Variants in OGDH observed in about 807,000 individuals in gnomAD.
OGDH encodes the protein 2-oxoglutarate dehydrogenase complex component E1.
OGDH carries 38 observed loss-of-function variants against 116.6 expected under a neutral mutation model. The observed-to-expected ratio is 0.33, with a 90% CI of 0.25 to 0.43. OGDH has a LOEUF of 0.43. Among genes scored for constraint, OGDH ranks in the 20% least tolerant of loss-of-function variants. The pLI, the probability that OGDH is intolerant of heterozygous loss-of-function variation, is 1.00. For missense variants in OGDH, 825 were observed against 1,357.2 expected, an observed-to-expected ratio of 0.61 and a Z score of 6.16; for synonymous variants, 488 against 533.3, an observed-to-expected ratio of 0.92 and a Z score of 1.17.
At chr7:44,615,220 T>C (rs1784724457) in intron 1 of OGDH, among the ~76,000 whole-genome samples, 1 of 152,232 alleles carries the variant, frequency 6.6e-6, no homozygotes, top group African/African-American at 2.4e-5. Flanking sequence ...TGATCTTGTT[T>C]AAATCTCTAA....
At chr7:44,701,497 A>G (rs1788828987) in intron 19 of OGDH, 46 bp from the exon 20 acceptor site, 1 of 1,560,432 alleles carries the variant, frequency 6.4e-7, no homozygotes, top group African/African-American at 1.4e-5. Context: ...TCCTTCTGGA[A>G]TCTTCAGAAT....
intron 10 of OGDH, among the ~76,000 whole-genome samples, chr7:44,690,603 T>C (rs1788325296): frequency 1.3e-5 from 2 of 152,230 alleles, no homozygotes; most frequent in South Asian, 4.1e-4. Flanking sequence ...ACCCTGCCGG[T>C]AGAGTGCATC....
intron 20 of OGDH, 105 bp downstream of exon 20, chr7:44,701,720 G>A: frequency 4.3e-6 from 5 of 1,150,892 alleles, no homozygotes; most frequent in Non-Finnish European, 6.4e-6. Flanking sequence ...GATTCTCACT[G>A]GCTCTTGCCA....
In OGDH at chr7:44,641,122, C is replaced by T. The variant is rs373711765; in HGVS notation, c.223-4205C>T. Reference sequence around the variant, plus strand: ...TTCACCATGTTAGCCAGGATGGTCTCGATCTCCTAACCTCGTGATCCGCCC... The same window carrying T: ...TTCACCATGTTAGCCAGGATGGTCTTGATCTCCTAACCTCGTGATCCGCCC... On this transcript the variant is annotated intron_variant, in intron 2 of 22. Transcript: ENST00000222673. Among the ~76,000 whole-genome samples the T allele has an allele frequency of 6.1e-4, 91 of 149,084 alleles. No individual in the cohort carries two copies. In the East Asian group the frequency reaches 0.015, roughly 24 times the overall value.
intron 20 of OGDH, among the ~76,000 whole-genome samples, chr7:44,702,130 G>A (rs1788860439): frequency 6.6e-6 from 1 of 151,266 alleles, no homozygotes; most frequent in Non-Finnish European, 1.5e-5. Flanking sequence ...TTACATTCAC[G>A]TTGGTCAAAT....
At chr7:44,636,437 G>T (rs1785673383) in intron 2 of OGDH, among the ~76,000 whole-genome samples, 2 of 152,218 alleles carry the variant, frequency 1.3e-5, no homozygotes, top group South Asian at 4.1e-4. Flanking sequence ...GTGCTCCTTG[G>T]TTAGGAGTGG....
chr7:44,622,584 T>C (rs927883062), intron 1 of OGDH, among the ~76,000 whole-genome samples: 2 of 152,186 alleles, frequency 1.3e-5, no homozygotes, highest in African/African-American at 4.8e-5. Context: ...CTTAAGTGTA[T>C]TCTGAGCATA....
chr7:44,707,740 AG>A lies in OGDH; in HGVS notation c.2951+6del, dbSNP rs1233470166. ...TCAGCCGCGCCAAGCCCGTCTGGTAAGGCTTCAGTCCCTGCCAGGAAGGCTG... is the reference window on the plus strand; with the variant it reads ...TCAGCCGCGCCAAGCCCGTCTGGTAAGCTTCAGTCCCTGCCAGGAAGGCTG... On this transcript the variant is annotated splice_donor_5th_base_variant and intron_variant, in intron 22 of 22. Coordinates refer to ENST00000222673, the MANE Select transcript of OGDH (RefSeq NM_002541.4). This position sits in a 1 kb window ranked among gnomAD's most constrained non-coding sequence, Gnocchi z 5.2. 1.9e-6 allele frequency: 3 copies of A among 1,614,002 alleles called. No individual in the cohort carries two copies. Among genetic ancestry groups the A allele is most frequent in the Non-Finnish European group, 2.5e-6 (3 of 1,180,030 alleles).
chr7:44,700,055 C>A (rs750312303), intron 18 of OGDH, 86 bp from the exon 19 acceptor site: 39 of 1,429,032 alleles, frequency 2.7e-5, no homozygotes, highest in Non-Finnish European at 3.6e-5. Context: ...GACAAATATC[C>A]AAACTAGATC....
intron 1 of OGDH, among the ~76,000 whole-genome samples, chr7:44,623,594 T>A (rs903755539): frequency 6.6e-6 from 1 of 152,248 alleles, no homozygotes; most frequent in South Asian, 2.1e-4. Context: ...TATGTAAATT[T>A]AAAGAACATC....
rs1789153453 is a variant in OGDH, at chr7:44,707,837, C to T, written c.2952-42C>T. ...AGCAGAGGGATGGGCTGGGCCAACT[C>T]AGTGTCCCCTGCCCTCACTGCCCCC... On this transcript the variant is annotated intron_variant, in intron 22 of 22. Transcript: ENST00000222673. This position sits in a 1 kb window ranked among gnomAD's most constrained non-coding sequence, Gnocchi z 5.2. 1 of 1,608,518 alleles carries T rather than the reference C, an allele frequency of 6.2e-7. No homozygotes were observed.
chr7:44,630,947 C>T (rs10281840), intron 2 of OGDH, among the ~76,000 whole-genome samples: 2,366 of 152,222 alleles, frequency 0.016, 71 homozygotes, highest in African/African-American at 0.054. Flanking sequence ...CCAGTTGGCT[C>T]TCCCATGAGA....
intron 2 of OGDH, among the ~76,000 whole-genome samples, chr7:44,630,888 G>C (rs1456840070): frequency 2.0e-5 from 3 of 152,168 alleles, no homozygotes; most frequent in Non-Finnish European, 4.4e-5. Flanking sequence ...GCATTAGTTA[G>C]ATTCTCATAA....
At chr7:44,692,152 C>T (rs1788391908) in intron 10 of OGDH, among the ~76,000 whole-genome samples, 1 of 152,080 alleles carries the variant, frequency 6.6e-6, no homozygotes, top group Non-Finnish European at 1.5e-5. Context: ...TCAGTTTTCC[C>T]TTTCTAGGAT....
chr7:44,696,508 C>T lies in OGDH; in HGVS notation c.1851C>T (p.Ile617=), dbSNP rs61756581. 27 of 1,614,060 alleles carry T rather than the reference C, an allele frequency of 1.7e-5. No individual in the cohort carries two copies. Among genetic ancestry groups the T allele is most frequent in the East Asian group, 1.6e-4 (7 of 44,896 alleles). Residue 617 remains isoleucine, a synonymous_variant, in exon 14 of 23, where the codon ATC becomes ATT. Transcript: ENST00000222673. ...TGACGGAGGATATTCTGACACACAT[C>T]GGGAATGTGGCTAGTTCTGTGCCTG... ...TGLTEDILTH[I]GNVASSVPVE... is the part of the protein sequence containing the mutation.
At chr7:44,666,997 G>C in intron 5 of OGDH, 146 bp downstream of exon 5, 1 of 576,474 alleles carries the variant, frequency 1.7e-6, no homozygotes, top group Non-Finnish European at 3.0e-6. Context: ...ACCCAGGCTA[G>C]AATGCAGTGA....
chr7:44,614,057 C>T (rs1784672464), intron 1 of OGDH, among the ~76,000 whole-genome samples: 1 of 152,064 alleles, frequency 6.6e-6, no homozygotes, highest in Non-Finnish European at 1.5e-5. Context: ...CCGCTCGCCT[C>T]GGCCTCCCAA....
At chr7:44,651,564 A>T (rs559483794) in intron 4 of OGDH, among the ~76,000 whole-genome samples, 6 of 151,990 alleles carry the variant, frequency 3.9e-5, no homozygotes, top group South Asian at 4.1e-4. Context: ...CCAGTGGTTT[A>T]TTATTATTAT....
At chr7:44,692,132 T>C (rs1403562524) in intron 10 of OGDH, among the ~76,000 whole-genome samples, 2 of 152,106 alleles carry the variant, frequency 1.3e-5, no homozygotes, top group African/African-American at 4.8e-5. Flanking sequence ...TAAATGCTCA[T>C]GCCTGTGGCT....
Sources: allele counts gnomAD v4.1 joint callset (sites outside exome capture counted in the v4.1 genomes callset), GRCh38; gene constraint gnomAD v4.1.1; non-coding constraint Gnocchi (gnomAD v3.1); transcripts MANE v1.5; gene names NCBI Gene and HGNC (gene_info 2026-07-23, HGNC 2026-07-21).